Variants in MDGA2 observed in about 807,000 individuals in gnomAD.
MDGA2 encodes MAM domain containing glycosylphosphatidylinositol anchor 2.
MDGA2 carries 40 observed loss-of-function variants against 117.8 expected under a neutral mutation model. The observed-to-expected ratio is 0.34, with a 90% CI of 0.26 to 0.44. The LOEUF (loss-of-function observed/expected upper bound fraction) is 0.44. Ranked by LOEUF, MDGA2 falls within the 20% of genes least tolerant of loss-of-function variation. The pLI, the probability that MDGA2 is intolerant of heterozygous loss-of-function variation, is 1.00. For synonymous variants in MDGA2, 452 were observed against 439.0 expected (o/e 1.03, Z -0.37); for missense variants, 1,123 against 1,250.6 (o/e 0.90, Z 1.54).
At position 47,646,361 on chromosome 14, in the gene MDGA2, T is replaced by C. The variant is rs189090656; in HGVS notation, c.280+28156A>G. ...TATACACATATAACATATATAATACTCATATATAATACATATAGATGCATA... is the reference window on the plus strand; with the variant it reads ...TATACACATATAACATATATAATACCCATATATAATACATATAGATGCATA... On this transcript the variant is annotated intron_variant, in intron 1 of 16. Coordinates refer to ENST00000399232, the MANE Select transcript of MDGA2 (RefSeq NM_001113498.3). 1.8e-4 allele frequency among the ~76,000 whole-genome samples: 28 copies of C among 152,084 alleles called. 1 individual carries two copies. Among genetic ancestry groups the C allele is most frequent in the African/African-American group, 5.8e-4 (24 of 41,510 alleles).
At chr14:47,060,935 TTAATA>T (rs1377904256) in intron 7 of MDGA2, among the ~76,000 whole-genome samples, 2 of 152,048 alleles carry the variant, frequency 1.3e-5, no homozygotes, top group South Asian at 2.1e-4. Context: ...TTTAATTTTA[TTAATA>T]TAATTTTAGA....
chr14:47,483,191 C>T (rs1478662220), intron 1 of MDGA2, among the ~76,000 whole-genome samples: 4 of 152,064 alleles, frequency 2.6e-5, no homozygotes, highest in African/African-American at 7.2e-5. Flanking sequence ...AATTCCAAAA[C>T]ATTTAATATC....
At chr14:47,146,856 G>A (rs1203697262) in intron 3 of MDGA2, among the ~76,000 whole-genome samples, 1 of 152,076 alleles carries the variant, frequency 6.6e-6, no homozygotes, top group East Asian at 1.9e-4. Flanking sequence ...TCAAGTGGTG[G>A]TGTCAACAGA....
At chr14:47,565,082 C>T (rs545471541) in intron 1 of MDGA2, among the ~76,000 whole-genome samples, 48 of 151,978 alleles carry the variant, frequency 3.2e-4, no homozygotes, top group African/African-American at 1.1e-3. Context: ...TATCTTTGCT[C>T]CTATCTGTAT....
chr14:47,364,426 A>T (rs1891188049), intron 1 of MDGA2, among the ~76,000 whole-genome samples: 1 of 152,012 alleles, frequency 6.6e-6, no homozygotes, highest in Non-Finnish European at 1.5e-5. Context: ...CACCACGCCC[A>T]GCTAATTTTT....
Position 46,920,598 on chromosome 14 carries a change from G to T in MDGA2, c.2090-438C>A, listed in dbSNP as rs1884089099. ...CATGCAGATAGAATTTAAATTTAAA[G>T]CCAAGAGACGGATATTACCAAGGAA... is the stretch of plus-strand genomic sequence containing the variant. On this transcript the variant is annotated intron_variant, in intron 9 of 16. Transcript: ENST00000399232. Among the ~76,000 whole-genome samples, 3 of 152,132 alleles carry T rather than the reference G, an allele frequency of 2.0e-5. 1 individual carries two copies. Among genetic ancestry groups the T allele is most frequent in the Admixed American group, 2.0e-4 (3 of 15,272 alleles).
rs747547073 is a variant in MDGA2 at position 47,007,514 on chromosome 14, C to T, written c.1819+27497G>A. 9.4e-4 allele frequency among the ~76,000 whole-genome samples: 142 copies of T among 151,694 alleles called. 3 individuals carry two copies. The highest frequency in any genetic ancestry group is 1.6e-4 in the Non-Finnish European group (11 of 67,820). On this transcript the variant is annotated intron_variant, in intron 8 of 16. Transcript: ENST00000399232. ...ATTTTAGTATACATTAAAATTTTAC[C>T]GTATCTCCTTAGGTGTGAGATGAAC...
At chr14:47,619,115 T>TTA (rs149220928) in intron 1 of MDGA2, among the ~76,000 whole-genome samples, 42,420 of 144,410 alleles carry the variant, frequency 0.29, 6,532 homozygotes, top group Middle Eastern at 0.4. Flanking sequence ...CTCAGTTTAA[T>TTA]TACACACACA....
intron 7 of MDGA2, chr14:47,059,233 T>G (rs778325253): frequency 4.1e-6 from 4 of 982,556 alleles, no homozygotes; most frequent in Non-Finnish European, 5.6e-6. Flanking sequence ...ATTGAGATTA[T>G]AGCAATGAGT....
chr14:47,469,894 G>T (rs1351792841), intron 1 of MDGA2, among the ~76,000 whole-genome samples: 4 of 152,054 alleles, frequency 2.6e-5, no homozygotes, highest in Non-Finnish European at 5.9e-5. Flanking sequence ...CAGCCTGAAA[G>T]CTAAAATCTA....
chr14:46,958,510 A>G (rs1431448388), intron 8 of MDGA2, among the ~76,000 whole-genome samples: 1 of 152,238 alleles, frequency 6.6e-6, no homozygotes, highest in African/African-American at 2.4e-5. Flanking sequence ...TAGACAGGAA[A>G]AGCATAAACC....
intron 5 of MDGA2, among the ~76,000 whole-genome samples, chr14:47,119,909 T>C (rs984112508): frequency 2.0e-5 from 3 of 152,164 alleles, no homozygotes; most frequent in African/African-American, 7.2e-5. Context: ...AATTTGCACT[T>C]AATATGTGAC....
intron 2 of MDGA2, among the ~76,000 whole-genome samples, chr14:47,275,747 T>A (rs1288760540): frequency 6.6e-6 from 1 of 152,164 alleles, no homozygotes; most frequent in Non-Finnish European, 1.5e-5. Context: ...TTTTGCTTAG[T>A]TTTTTTAGAG....
intron 14 of MDGA2, among the ~76,000 whole-genome samples, chr14:46,856,220 C>T (rs1881263009): frequency 6.6e-6 from 1 of 152,002 alleles, no homozygotes; most frequent in Admixed American, 6.6e-5. Flanking sequence ...ATCTTAATCA[C>T]TAGGCAATCA....
chr14:47,364,543 C>T (rs561201279), intron 1 of MDGA2, among the ~76,000 whole-genome samples: 2 of 152,296 alleles, frequency 1.3e-5, no homozygotes, highest in South Asian at 2.1e-4. Flanking sequence ...GGATTACAGG[C>T]GTGAGCCACC....
chr14:47,601,061 A>C (rs1465009119), intron 1 of MDGA2, among the ~76,000 whole-genome samples: 2 of 152,204 alleles, frequency 1.3e-5, no homozygotes, highest in African/African-American at 4.8e-5. Flanking sequence ...CAGGCTGACA[A>C]AATATTTTAT....
intron 1 of MDGA2, among the ~76,000 whole-genome samples, chr14:47,412,102 ACACT>A (rs1250595113): frequency 6.6e-6 from 1 of 152,086 alleles, no homozygotes; most frequent in African/African-American, 2.4e-5. Context: ...AGGCATCAAA[ACACT>A]CACAACTGTC....
chr14:46,900,948 C>T (rs1047386965), intron 10 of MDGA2, among the ~76,000 whole-genome samples: 1 of 151,942 alleles, frequency 6.6e-6, no homozygotes, highest in African/African-American at 2.4e-5. Flanking sequence ...GAGAAGGTTT[C>T]ATGGAACTTT....
intron 1 of MDGA2, among the ~76,000 whole-genome samples, chr14:47,477,937 A>G (rs1354185233): frequency 6.6e-6 from 1 of 152,200 alleles, no homozygotes; most frequent in African/African-American, 2.4e-5. Context: ...CAAAACAGCT[A>G]ATTAGTAAAA....
Sources: gnomAD v4.1 joint callset for allele counts (sites outside exome capture counted in the v4.1 genomes callset) on GRCh38, gnomAD v4.1.1 for gene constraint, MANE v1.5 for transcripts, NCBI Gene and HGNC (gene_info 2026-07-23, HGNC 2026-07-21) for gene names.